Variants in RAD51B observed in about 807,000 individuals in gnomAD.
RAD51B encodes RAD51 paralog B.
Under a neutral mutation model 42.2 loss-of-function variants are expected in RAD51B, and 38 were observed. The observed-to-expected ratio is 0.90, with a 90% CI of 0.70 to 1.18. RAD51B has a LOEUF of 1.18. Ranked by LOEUF, RAD51B falls within the 50% of genes most tolerant of loss-of-function variation. RAD51B has a pLI of 0.00. For missense variants in RAD51B, 373 were observed against 400.7 expected (o/e 0.93, Z 0.59); for synonymous variants, 154 against 145.2 (o/e 1.06, Z -0.43).
intron 7 of RAD51B, among the ~76,000 whole-genome samples, chr14:68,252,448 C>G (rs2080654625): frequency 6.6e-6 from 1 of 152,204 alleles, no homozygotes; most frequent in Non-Finnish European, 1.5e-5. Flanking sequence ...TCCTCCAAGC[C>G]TTACTTTATT....
chr14:68,461,313 G>A (rs993936811), intron 9 of RAD51B, among the ~76,000 whole-genome samples: 5 of 130,364 alleles, frequency 3.8e-5, no homozygotes, highest in African/African-American at 1.5e-4. Context: ...TCTTTGTCTT[G>A]AATCATGCAA....
intron 10 of RAD51B, among the ~76,000 whole-genome samples, chr14:68,500,685 G>A (rs1239108543): frequency 1.3e-5 from 2 of 152,182 alleles, no homozygotes; most frequent in Non-Finnish European, 2.9e-5. Context: ...TCAAAACTGG[G>A]ACAAATCAAC....
rs115894258 is a variant in RAD51B, at chr14:68,215,460, A to C, written c.757-76424A>C. ...AATTAACAAATGTTTTCTGAGCACC[A>C]ATCTGTTCCAACTACCTGCAGTAGT... On this transcript the variant is annotated intron_variant, in intron 7 of 10. Transcript: ENST00000471583. 4.3e-3 allele frequency among the ~76,000 whole-genome samples: 662 copies of C among 152,356 alleles called. 6 individuals carry two copies. The highest frequency in any genetic ancestry group is 0.015 in the African/African-American group (635 of 41,592).
At chr14:68,623,899 G>C (rs77063324) in intron 10 of RAD51B, among the ~76,000 whole-genome samples, 1,592 of 152,288 alleles carry the variant, frequency 0.01, 21 homozygotes, top group African/African-American at 0.037. Context: ...CTGTTAAACT[G>C]CTTTTAGGGA....
chr14:68,224,152 A>C (rs2079987959), intron 7 of RAD51B, among the ~76,000 whole-genome samples: 1 of 152,166 alleles, frequency 6.6e-6, no homozygotes, highest in African/African-American at 2.4e-5. Flanking sequence ...TGTTTTCCGG[A>C]TCTTTTATAC....
At chr14:68,549,898 C>G (rs1485510113) in intron 10 of RAD51B, among the ~76,000 whole-genome samples, 1 of 152,214 alleles carries the variant, frequency 6.6e-6, no homozygotes, top group Non-Finnish European at 1.5e-5. Context: ...AAACTTCGGT[C>G]AGCTCTGACC....
chr14:68,150,963 T>G (rs1595474660), intron 7 of RAD51B, among the ~76,000 whole-genome samples: 1 of 152,196 alleles, frequency 6.6e-6, no homozygotes, highest in East Asian at 1.9e-4. Context: ...ATTTTGATAA[T>G]AAGAAAATAA....
chr14:67,925,663 CTG>C (rs2044481277), intron 7 of RAD51B, among the ~76,000 whole-genome samples: 1 of 152,174 alleles, frequency 6.6e-6, no homozygotes, highest in African/African-American at 2.4e-5. Flanking sequence ...TATGGGGGCT[CTG>C]ACTCCACATT....
chr14:68,202,025 G>A lies in RAD51B; in HGVS notation c.757-89859G>A, dbSNP rs546227725. On this transcript the variant is annotated intron_variant, in intron 7 of 10. Coordinates refer to ENST00000471583, the MANE Select transcript of RAD51B (RefSeq NM_133510.4). Reference sequence around the variant, plus strand: ...AGAAAAACTGAATATTGTAATAAAGGTACTCACACAATTTTTTTGGTTTCC... The same window carrying A: ...AGAAAAACTGAATATTGTAATAAAGATACTCACACAATTTTTTTGGTTTCC... Among the ~76,000 whole-genome samples, 88 of 152,178 alleles carry A rather than the reference G, an allele frequency of 5.8e-4. 1 individual carries two copies. The highest frequency in any genetic ancestry group is 2.1e-3 in the African/African-American group (87 of 41,522).
chr14:67,851,804 C>T (rs1427307458), intron 4 of RAD51B, among the ~76,000 whole-genome samples: 3 of 152,074 alleles, frequency 2.0e-5, no homozygotes, highest in Non-Finnish European at 4.4e-5. Flanking sequence ...TGTCAGTTGC[C>T]TTTGGAAGCT....
At chr14:68,086,416 G>C (rs1006828893) in intron 7 of RAD51B, among the ~76,000 whole-genome samples, 5 of 152,164 alleles carry the variant, frequency 3.3e-5, no homozygotes, top group African/African-American at 1.2e-4. Context: ...GGCGTGATGG[G>C]CCAGGGCTGT....
At chr14:68,350,627 G>T (rs950116252) in intron 8 of RAD51B, among the ~76,000 whole-genome samples, 1 of 152,128 alleles carries the variant, frequency 6.6e-6, no homozygotes, top group Non-Finnish European at 1.5e-5. Context: ...TGAGACAGAT[G>T]GATAAATGAA....
chr14:67,961,222 T>C (rs182559415), intron 7 of RAD51B, among the ~76,000 whole-genome samples: 11 of 151,910 alleles, frequency 7.2e-5, no homozygotes, highest in African/African-American at 2.7e-4. Flanking sequence ...CCCAGGCTGG[T>C]CTCAAACTTC....
At chr14:68,596,114 C>A, downstream of RAD51B, 3 of 895,438 alleles carry the variant, frequency 3.4e-6, no homozygotes, top group Non-Finnish European at 4.1e-6. Flanking sequence ...TCAAATTCTT[C>A]AGCCCTTTCC....
At chr14:68,481,523 C>G (rs1464733201), downstream of RAD51B, among the ~76,000 whole-genome samples, 2 of 152,206 alleles carry the variant, frequency 1.3e-5, no homozygotes, top group Non-Finnish European at 2.9e-5. Flanking sequence ...GCTGCAGGGA[C>G]AGGACGTAAG....
intron 7 of RAD51B, among the ~76,000 whole-genome samples, chr14:68,108,192 A>AT (rs1445912634): frequency 1.3e-5 from 2 of 151,570 alleles, no homozygotes; most frequent in African/African-American, 4.9e-5. Context: ...TGGTAAGAAT[A>AT]TAAAAAAAAT....
At chr14:68,572,189 A>G (rs1179796399) in intron 10 of RAD51B, among the ~76,000 whole-genome samples, 2 of 152,188 alleles carry the variant, frequency 1.3e-5, no homozygotes, top group Non-Finnish European at 2.9e-5. Context: ...ACCTTTTGAG[A>G]TGTAATCTCG....
exon 11 of RAD51B, chr14:68,594,776 G>A (rs1056342593): frequency 3.2e-6 from 4 of 1,249,692 alleles, no homozygotes; most frequent in Non-Finnish European, 4.1e-6. Flanking sequence ...CTGGAGATGT[G>A]TGTAGGGCCA....
intron 7 of RAD51B, among the ~76,000 whole-genome samples, chr14:68,128,495 A>G (rs1315021421): frequency 1.3e-5 from 2 of 152,198 alleles, no homozygotes; most frequent in Non-Finnish European, 2.9e-5. Context: ...GTTCGAGACT[A>G]GCCTGGCCAA....
Sources: gnomAD v4.1 joint callset for allele counts (sites outside exome capture counted in the v4.1 genomes callset) on GRCh38, gnomAD v4.1.1 for gene constraint, MANE v1.5 for transcripts, NCBI Gene and HGNC (gene_info 2026-07-23, HGNC 2026-07-21) for gene names.